LRRC43: variants seen among roughly 807,000 people sequenced by gnomAD.
The protein encoded by LRRC43 is leucine-rich repeat-containing protein 43.
Under a neutral mutation model 64.3 loss-of-function variants are expected in LRRC43, and 62 were observed. The ratio of observed to expected loss-of-function variants is 0.96; its 90% CI spans 0.79 to 1.19. The LOEUF (loss-of-function observed/expected upper bound fraction) is 1.19, where lower values mean the gene tolerates loss of function less well. Among genes scored for constraint, LRRC43 ranks in the 50% most tolerant of loss-of-function variants. LRRC43 has a pLI of 0.00. For missense variants in LRRC43, 868 were observed against 845.0 expected (o/e 1.03, Z -0.34); for synonymous variants, 422 against 382.3 (o/e 1.10, Z -1.21).
intron 4 of LRRC43, 177 bp from the exon 5 acceptor site, chr12:122,189,953 A>AT: frequency 1.5e-6 from 1 of 674,132 alleles, no homozygotes; most frequent in Non-Finnish European, 2.7e-6. Context: ...AGTGGAGATG[A>AT]AGAGCCAGGC....
rs1394906307 is a variant in LRRC43, at chr12:122,177,145, TTC to T, written c.-405-7373_-405-7372del. ...TTTGTGGATGTAGTCATGATTACTA[TTC>T]AGTTTACCTAAAATAGAGAGATTTT... is the stretch of plus-strand genomic sequence containing the variant. On this transcript the variant is annotated intron_variant, in intron 1 of 5. Transcript: ENST00000537729. 2.0e-3 allele frequency among the ~76,000 whole-genome samples: 297 copies of T among 152,262 alleles called. 1 individual carries two copies. Among genetic ancestry groups the T allele is most frequent in the African/African-American group, 6.8e-3 (284 of 41,562 alleles).
intron 7 of LRRC43, among the ~76,000 whole-genome samples, chr12:122,196,592 A>G (rs977061453): frequency 1.3e-5 from 2 of 151,996 alleles, no homozygotes; most frequent in African/African-American, 4.8e-5. Context: ...ACATGGTGAA[A>G]CCCTGTATCT....
intron 1 of LRRC43, among the ~76,000 whole-genome samples, chr12:122,183,726 G>A (rs1268779461): frequency 6.6e-6 from 1 of 152,160 alleles, no homozygotes; most frequent in Non-Finnish European, 1.5e-5. Flanking sequence ...CCCCCATCCT[G>A]CCTCCCTGTC....
chr12:122,198,980 C>G (rs1282976818), intron 7 of LRRC43, among the ~76,000 whole-genome samples: 1 of 133,926 alleles, frequency 7.5e-6, no homozygotes, highest in African/African-American at 2.8e-5. Context: ...TGTACTTTCA[C>G]GATTTTTTTT....
Position 122,187,235 on chromosome 12 carries a change from T to G in LRRC43, c.523-466T>G, listed in dbSNP as rs775233105. On this transcript the variant is annotated intron_variant, in intron 3 of 11. Coordinates refer to ENST00000339777, the MANE Select transcript of LRRC43 (RefSeq NM_001098519.2). ...AACAGAGCGAGACTCCACCTCAAAATAATAATAAATAAACAATAAATAAAT... is the reference window on the plus strand; with the variant it reads ...AACAGAGCGAGACTCCACCTCAAAAGAATAATAAATAAACAATAAATAAAT... The G allele has an allele frequency of 9.7e-4, 147 of 152,016 alleles. 1 individual carries two copies. Among genetic ancestry groups the G allele is most frequent in the Non-Finnish European group, 3.1e-4 (21 of 68,118 alleles). The allele number at this position is 152,016 out of a possible 1,614,324, so 9.4% of individuals were successfully genotyped here. A position where few individuals can be genotyped will look rare whatever the true frequency, so the allele number is the denominator to read the frequency against.
chr12:122,188,957 AT>A (rs148462174), intron 4 of LRRC43, among the ~76,000 whole-genome samples: 1,635 of 152,138 alleles, frequency 0.011, 14 homozygotes, highest in Non-Finnish European at 0.019. Flanking sequence ...GAGCAGCAAA[AT>A]CCCCCCAAGC....
chr12:122,186,372 C>T, intron 3 of LRRC43, 72 bp downstream of exon 3: 1 of 954,742 alleles, frequency 1.0e-6, no homozygotes, highest in Non-Finnish European at 1.6e-6. Flanking sequence ...CCCTGCCCCA[C>T]ATAGTGTGGC....
At chr12:122,186,422 A>T (rs181092225) in intron 3 of LRRC43, 122 bp downstream of exon 3, 1 of 636,252 alleles carries the variant, frequency 1.6e-6, no homozygotes, top group Admixed American at 2.9e-5. Flanking sequence ...CAGGCTTTTA[A>T]AATGTAGGTC....
rs947480237 is a variant in LRRC43, at chr12:122,187,573, T to G, written c.523-128T>G. 22 of 690,152 alleles carry G rather than the reference T, an allele frequency of 3.2e-5. No homozygotes were observed. In the South Asian group the frequency reaches 4.5e-4, roughly 14 times the overall value. 42.8% of individuals were successfully genotyped at this position (690,152 alleles called of 1,614,324 possible). On this transcript the variant is annotated intron_variant, in intron 3 of 11. Transcript: ENST00000339777. The stretch of plus-strand genomic sequence containing the variant: ...GGTTTTTAAAAGGGAGTCGGGGTGG[T>G]GCCAGGGAGGCCAGGTGTGAGTAGT...
At chr12:122,179,444 A>T (rs185186322), upstream of LRRC43, among the ~76,000 whole-genome samples, 180 of 152,242 alleles carry the variant, frequency 1.2e-3, 2 homozygotes, top group East Asian at 0.014. Context: ...AGTGTTATGG[A>T]TGCTCAGCTG....
chr12:122,183,018 A>G, upstream of LRRC43: 1 of 1,372,344 alleles, frequency 7.3e-7, no homozygotes, highest in Non-Finnish European at 9.5e-7. Flanking sequence ...GAGAAAACGC[A>G]GGTGGTTGGG....
chr12:122,198,212 C>G (rs1953791259), intron 7 of LRRC43, among the ~76,000 whole-genome samples: 2 of 152,132 alleles, frequency 1.3e-5, no homozygotes, highest in African/African-American at 4.8e-5. Flanking sequence ...GACCAGAACT[C>G]CTGACCTTAA....
At position 122,187,716 on chromosome 12, in the gene LRRC43, G is replaced by GCT; in HGVS notation, c.538_539insCT (p.Gly180AlafsTer24). The GCT allele has an allele frequency of 1.2e-6, 2 of 1,613,674 alleles. No individual in the cohort carries two copies. Among genetic ancestry groups the GCT allele is most frequent in the Admixed American group, 3.3e-5 (2 of 60,004 alleles). ...GGTCTCCCAGGTGCTGGAGCTCTAC[G>GCT]GCAATGAGATCAGCAGCATGGAGTG... On this transcript the variant is annotated frameshift_variant, in exon 4 of 12. Transcript: ENST00000339777. LOFTEE classifies it high-confidence loss of function.
In LRRC43 at chr12:122,176,539, T is replaced by TG. The variant is rs60402383; in HGVS notation, c.-405-7980_-405-7979insG. ...AATTGTTTTGTCTTTTGTTTTGTTT[T>TG]TTTTTTTGGAGAGAAGATCTCAAGC... On this transcript the variant is annotated intron_variant, in intron 1 of 5. Coordinates refer to the LRRC43 transcript ENST00000537729. 4.5e-4 allele frequency among the ~76,000 whole-genome samples: 66 copies of TG among 147,136 alleles called. 1 individual carries two copies. Among genetic ancestry groups the TG allele is most frequent in the African/African-American group, 1.1e-3 (45 of 39,884 alleles).
intron 3 of LRRC43, 77 bp from the exon 4 acceptor site, chr12:122,187,624 G>C (rs181503685): frequency 1.4e-6 from 2 of 1,390,566 alleles, no homozygotes; most frequent in Non-Finnish European, 2.0e-6. Context: ...TAAGTTTTGC[G>C]GGACAGAGGG....
At chr12:122,182,797 A>G (rs1405975179), upstream of LRRC43, among the ~76,000 whole-genome samples, 4 of 152,086 alleles carry the variant, frequency 2.6e-5, no homozygotes, top group Non-Finnish European at 5.9e-5. Flanking sequence ...TAGAGAGACC[A>G]CCCTGGAACC....
At chr12:122,191,682 T>A in intron 6 of LRRC43, 115 bp downstream of exon 6, 1 of 803,156 alleles carries the variant, frequency 1.2e-6, no homozygotes, top group Non-Finnish European at 1.9e-6. Context: ...TGAGGAGGAG[T>A]CTCGCTCTGT....
chr12:122,178,714 C>T (rs1402749206), upstream of LRRC43, among the ~76,000 whole-genome samples: 1 of 148,052 alleles, frequency 6.8e-6, no homozygotes, highest in Non-Finnish European at 1.5e-5. Context: ...GCCTCAGCCT[C>T]TTGAGTAGCC....
At chr12:122,171,353 T>C (rs936791887) in intron 1 of LRRC43, among the ~76,000 whole-genome samples, 2 of 152,186 alleles carry the variant, frequency 1.3e-5, no homozygotes, top group African/African-American at 4.8e-5. Flanking sequence ...TAACATGACC[T>C]GGCATAAAGA....
Sources: gnomAD v4.1 joint callset for allele counts (sites outside exome capture counted in the v4.1 genomes callset) on GRCh38, gnomAD v4.1.1 for gene constraint, MANE v1.5 for transcripts, NCBI Gene and HGNC (gene_info 2026-07-23, HGNC 2026-07-21) for gene names.